Variants in USP42 observed in about 807,000 individuals in gnomAD.
The protein encoded by USP42 is ubiquitin specific peptidase 42.
USP42 carries 23 observed loss-of-function variants against 113.0 expected under a neutral mutation model. That is an observed-to-expected ratio of 0.20 (90% CI 0.15 to 0.29). The LOEUF (loss-of-function observed/expected upper bound fraction) is 0.29. Ranked by LOEUF, USP42 falls within the 10% of genes least tolerant of loss-of-function variation. USP42 has a pLI of 1.00. For synonymous variants in USP42, 933 were observed against 699.0 expected (o/e 1.33, Z -5.28); for missense variants, 2,174 against 1,779.8 (o/e 1.22, Z -3.99).
At chr7:6,132,835 C>T (rs776727180) in intron 3 of USP42, among the ~76,000 whole-genome samples, 6 of 152,138 alleles carry the variant, frequency 3.9e-5, no homozygotes, top group Non-Finnish European at 5.9e-5. Context: ...CCACACCCGG[C>T]TAATTTTTTT....
At chr7:6,155,585 ATC>A (rs1782399489) in intron 15 of USP42, among the ~76,000 whole-genome samples, 1 of 152,150 alleles carries the variant, frequency 6.6e-6, no homozygotes, top group African/African-American at 2.4e-5. Context: ...ATGTTTTCAT[ATC>A]TGTTATATTT....
intron 14 of USP42, among the ~76,000 whole-genome samples, chr7:6,150,887 TACAG>T (rs1302134171): frequency 6.6e-6 from 1 of 152,152 alleles, no homozygotes; most frequent in Non-Finnish European, 1.5e-5. Flanking sequence ...AAGAAGCACA[TACAG>T]ACATCCGTCC....
intron 4 of USP42, among the ~76,000 whole-genome samples, chr7:6,137,372 C>G (rs765164257): frequency 4.6e-5 from 7 of 152,216 alleles, no homozygotes; most frequent in Non-Finnish European, 8.8e-5. Flanking sequence ...TTCATCCATT[C>G]ATTTGAGATG....
At chr7:6,083,633 A>G in the USP42 span, among the ~76,000 whole-genome samples, 1 of 150,662 alleles carries the variant, frequency 6.6e-6, no homozygotes, top group African/African-American at 2.5e-5. Flanking sequence ...AATATATGTA[A>G]CACCAGAATA....
chr7:6,105,214 G>C (rs1170890967), intron 1 of USP42, among the ~76,000 whole-genome samples, 182 bp downstream of exon 1: 3 of 145,292 alleles, frequency 2.1e-5, no homozygotes, highest in Non-Finnish European at 4.6e-5. Context: ...CGCCGCTCTG[G>C]GGGCTGCGGC....
chr7:6,137,459 A>G (rs920470034), intron 4 of USP42, among the ~76,000 whole-genome samples: 3 of 152,108 alleles, frequency 2.0e-5, no homozygotes, highest in Admixed American at 2.0e-4. Flanking sequence ...CTCAGGTTCA[A>G]GTGATTCTTC....
rs765536616 is a variant in USP42, at chr7:6,153,731, GTGTT to G, written c.2202-14_2202-11del. 61 of 1,432,490 alleles carry G rather than the reference GTGTT, an allele frequency of 4.3e-5. No homozygotes were observed. The highest frequency in any genetic ancestry group is 2.1e-4 in the Admixed American group (7 of 33,938). 88.7% of individuals were successfully genotyped at this position (1,432,490 alleles called of 1,614,324 possible). The stretch of plus-strand genomic sequence containing the variant: ...GCCTGTCAAGCCCACGCTAACGGGC[GTGTT>G]TGTTTGTTTGGGGGCTGCAGTGCAC... On this transcript the variant is annotated intron_variant, in intron 14 of 17. Transcript: ENST00000306177.
intron 10 of USP42, 54 bp from the exon 11 acceptor site, chr7:6,146,094 T>C: frequency 1.6e-6 from 2 of 1,257,486 alleles, no homozygotes; most frequent in South Asian, 1.4e-5. Context: ...CTCTTGACTA[T>C]GTTCCATGTT....
upstream of USP42, among the ~76,000 whole-genome samples, chr7:6,102,937 G>A (rs1029867595): frequency 5.3e-5 from 8 of 151,164 alleles, 1 homozygote; most frequent in African/African-American, 4.9e-5. Context: ...ATTGTTGAGC[G>A]AAGAAAGGCT....
At position 6,152,253 on chromosome 7, in the gene USP42, G is replaced by A. The variant is rs142922849; in HGVS notation, c.2202-1503G>A. On this transcript the variant is annotated intron_variant, in intron 14 of 17. Transcript: ENST00000306177. ...CCGGATGTCACCATACTCGGTGCCAGGCGCGGGTTCATCATCAGGAAGTCG... is the reference window on the plus strand; with the variant it reads ...CCGGATGTCACCATACTCGGTGCCAAGCGCGGGTTCATCATCAGGAAGTCG... 3.5e-4 allele frequency among the ~76,000 whole-genome samples: 53 copies of A among 152,348 alleles called. No homozygotes were observed. In the East Asian group the frequency reaches 0.01, roughly 29 times the overall value.
chr7:6,144,281 G>A (rs2128508369), intron 9 of USP42, 85 bp downstream of exon 9: 6 of 881,590 alleles, frequency 6.8e-6, no homozygotes, highest in Middle Eastern at 2.2e-4. Context: ...TTAAGGACTC[G>A]ACTTTCTCAT....
At chr7:6,151,662 C>A (rs545628515) in intron 14 of USP42, among the ~76,000 whole-genome samples, 1 of 152,152 alleles carries the variant, frequency 6.6e-6, no homozygotes, top group African/African-American at 2.4e-5. Flanking sequence ...AGGCTGGTCT[C>A]AAACTCCTGA....
chr7:6,148,391 A>G (rs149516361), intron 12 of USP42, among the ~76,000 whole-genome samples: 3 of 152,186 alleles, frequency 2.0e-5, no homozygotes, highest in Admixed American at 6.5e-5. Flanking sequence ...AACCTCACCA[A>G]TGGGGAGGAA....
chr7:6,110,687 G>T (rs1255345750), intron 1 of USP42, among the ~76,000 whole-genome samples: 1 of 152,154 alleles, frequency 6.6e-6, no homozygotes, highest in Non-Finnish European at 1.5e-5. Context: ...TGTAGTTGAT[G>T]CTTTTCTCTG....
At chr7:6,106,139 C>T (rs571342228) in intron 1 of USP42, among the ~76,000 whole-genome samples, 1 of 152,308 alleles carries the variant, frequency 6.6e-6, no homozygotes, top group Admixed American at 6.5e-5. Context: ...GGGTCAGTTT[C>T]ACTTTCTCTT....
At chr7:6,090,578 G>T in the USP42 span, among the ~76,000 whole-genome samples, 53 of 145,884 alleles carry the variant, frequency 3.6e-4, no homozygotes, top group Middle Eastern at 3.6e-3. Context: ...AGTTGGGCAC[G>T]GTTGTGCATG....
chr7:6,128,378 C>T (rs1562821887), intron 3 of USP42: 2 of 151,940 alleles, frequency 1.3e-5, no homozygotes, highest in African/African-American at 4.8e-5. Context: ...TCCTCCATCT[C>T]AGCCTTTGGA....
intron 1 of USP42, among the ~76,000 whole-genome samples, 194 bp downstream of exon 1, chr7:6,105,226 C>G (rs929160938): frequency 2.5e-4 from 36 of 145,036 alleles, no homozygotes; most frequent in Non-Finnish European, 2.0e-4. Flanking sequence ...GGCTGCGGCG[C>G]CACCGCCCGC....
At chr7:6,128,432 T>A (rs541438978) in intron 3 of USP42, among the ~76,000 whole-genome samples, 138 of 152,204 alleles carry the variant, frequency 9.1e-4, no homozygotes, top group African/African-American at 3.2e-3. Context: ...CAGATAAAAT[T>A]TTTTCCCTGC....
Sources: gnomAD v4.1 joint callset for allele counts (sites outside exome capture counted in the v4.1 genomes callset) on GRCh38, gnomAD v4.1.1 for gene constraint, MANE v1.5 for transcripts, NCBI Gene and HGNC (gene_info 2026-07-23, HGNC 2026-07-21) for gene names.